Variants in RBM26 observed in about 807,000 individuals in gnomAD.
RBM26 encodes RNA-binding protein 26.
Under a neutral mutation model 123.6 loss-of-function variants are expected in RBM26, and 30 were observed. That is an observed-to-expected ratio of 0.24 (90% CI 0.18 to 0.33). RBM26 has a LOEUF of 0.33. RBM26 is among the 10% of genes least tolerant of loss of function. The probability of loss-of-function intolerance (pLI) is 1.00; values close to 1 mark genes in which losing one functional copy is unlikely to be tolerated. For missense variants in RBM26, 947 were observed against 1,203.6 expected (o/e 0.79, Z 3.15); for synonymous variants, 400 against 404.4 (o/e 0.99, Z 0.13).
chr13:79,371,989 C>T, intron 3 of RBM26, 59 bp from the exon 4 acceptor site: 2 of 1,200,540 alleles, frequency 1.7e-6, no homozygotes, highest in Non-Finnish European at 2.4e-6. Context: ...TGTTAAATAG[C>T]CTTAGATAGG....
exon 5 of RBM26, chr13:79,313,202 A>C (rs186317351): frequency 3.6e-4 from 55 of 152,004 alleles, no homozygotes; most frequent in African/African-American, 1.3e-3. Flanking sequence ...TAGGAAAATA[A>C]AATAATGAAA....
chr13:79,344,927 CT>C, intron 14 of RBM26, 133 bp from the exon 15 acceptor site: 1 of 721,808 alleles, frequency 1.4e-6, no homozygotes, highest in Non-Finnish European at 2.1e-6. Context: ...GTATTTTATA[CT>C]TATAATAACG....
chr13:79,406,000 C>A lies in RBM26; in HGVS notation c.-226G>T, dbSNP rs1307631400. 1 of 310,864 alleles carries A rather than the reference C, an allele frequency of 3.2e-6. No individual in the cohort carries two copies. Among genetic ancestry groups the A allele is most frequent in the Non-Finnish European group, 5.9e-6 (1 of 170,926 alleles). The allele number at this position is 310,864 out of a possible 1,614,324, so 19.3% of individuals were successfully genotyped here. ...AGCTCCCCGTCCCCGGCCCCCAGCC[C>A]GGGCTGAAACAGCAACGGTTTGCCC... is the stretch of plus-strand genomic sequence containing the variant. On this transcript the variant is annotated 5_prime_UTR_variant, in exon 1 of 22. Coordinates refer to ENST00000438737, the MANE Select transcript of RBM26 (RefSeq NM_001366735.2).
chr13:79,346,250 T>C (rs2072309596), intron 14 of RBM26, among the ~76,000 whole-genome samples: 1 of 152,214 alleles, frequency 6.6e-6, no homozygotes, highest in African/African-American at 2.4e-5. Context: ...CTATTCTAAG[T>C]ATTCAAGAAA....
intron 11 of RBM26, among the ~76,000 whole-genome samples, chr13:79,357,094 A>T (rs976436577): frequency 6.6e-6 from 1 of 152,204 alleles, no homozygotes; most frequent in Non-Finnish European, 1.5e-5. Flanking sequence ...TAACAATCTA[A>T]AATAACACAT....
chr13:79,373,377 T>TTA (rs1288213720), intron 3 of RBM26, among the ~76,000 whole-genome samples: 1 of 99,690 alleles, frequency 1.0e-5, no homozygotes, highest in Admixed American at 1.6e-4. Context: ...ATAATATATA[T>TTA]TATATATAAA....
chr13:79,403,611 T>C (rs949294305), intron 1 of RBM26, among the ~76,000 whole-genome samples: 3 of 152,226 alleles, frequency 2.0e-5, no homozygotes, highest in African/African-American at 7.2e-5. Flanking sequence ...TTCCTTAATA[T>C]ACACCCATTA....
intron 1 of RBM26, among the ~76,000 whole-genome samples, chr13:79,402,672 T>C (rs951918998): frequency 6.6e-6 from 1 of 152,168 alleles, no homozygotes; most frequent in Non-Finnish European, 1.5e-5. Context: ...CCATACAATC[T>C]GTTCACCAAA....
At chr13:79,386,431 G>C (rs935484386) in intron 1 of RBM26, among the ~76,000 whole-genome samples, 4 of 139,126 alleles carry the variant, frequency 2.9e-5, no homozygotes, top group African/African-American at 1.0e-4. Context: ...AAAAAAAAAA[G>C]AAGTGCCCAT....
At chr13:79,340,859 A>C (rs886221087) in intron 18 of RBM26, among the ~76,000 whole-genome samples, 2 of 151,930 alleles carry the variant, frequency 1.3e-5, no homozygotes, top group African/African-American at 4.8e-5. Flanking sequence ...CCAAAAATAG[A>C]AAGAAATAAA....
intron 1 of RBM26, among the ~76,000 whole-genome samples, chr13:79,379,180 G>A (rs1229737639): frequency 6.6e-6 from 1 of 151,848 alleles, no homozygotes; most frequent in Non-Finnish European, 1.5e-5. Context: ...AAATGTACTA[G>A]GAATTCAGAT....
chr13:79,360,870 C>T (rs1409404268), intron 9 of RBM26, among the ~76,000 whole-genome samples: 1 of 152,042 alleles, frequency 6.6e-6, no homozygotes, highest in African/African-American at 2.4e-5. Flanking sequence ...AACCTTAATC[C>T]ACATAGAAAA....
chr13:79,354,483 T>A lies in RBM26; in HGVS notation c.1942A>T (p.Ile648Phe), dbSNP rs533151289. The A allele has an allele frequency of 1.9e-6, 3 of 1,605,786 alleles. No individual in the cohort carries two copies. The highest frequency in any genetic ancestry group is 2.6e-6 in the Non-Finnish European group (3 of 1,174,396). Residue 648 changes from isoleucine to phenylalanine, a missense_variant, in exon 13 of 22, where the codon ATT (isoleucine) becomes TTT (phenylalanine). By Grantham distance (21) the Ile-to-Phe change is conservative. Around this residue, in one of 5 missense-constraint regions of RBM26, gnomAD observed 493 missense variants for 563.1 expected, o/e 0.88. Coordinates refer to ENST00000438737, the MANE Select transcript of RBM26 (RefSeq NM_001366735.2). ...GCACTCTGGGCTTCTGCAGGTTCAA[T>A]AGTACTTGAAGGTACTGGACCCAGC... ...ERLGPVPSSTIEPAEAQSASS... is the reference protein window; with the variant it reads ...ERLGPVPSSTFEPAEAQSASS...
intron 20 of RBM26, among the ~76,000 whole-genome samples, chr13:79,331,614 C>T (rs531962986): frequency 6.0e-4 from 90 of 150,126 alleles, no homozygotes; most frequent in Non-Finnish European, 9.5e-4. Context: ...CCAGCCTGGG[C>T]AACACAGCGA....
chr13:79,380,498 A>G (rs888100768), intron 1 of RBM26, among the ~76,000 whole-genome samples: 2 of 150,776 alleles, frequency 1.3e-5, no homozygotes, highest in Non-Finnish European at 3.0e-5. Flanking sequence ...AAAGTTTTTA[A>G]AAAAAAAAAA....
At chr13:79,348,781 C>T (rs2139333908) in intron 14 of RBM26, among the ~76,000 whole-genome samples, 1 of 152,194 alleles carries the variant, frequency 6.6e-6, no homozygotes, top group African/African-American at 2.4e-5. Context: ...TGTATCAAAC[C>T]TGAGAATTCT....
intron 9 of RBM26, among the ~76,000 whole-genome samples, chr13:79,361,819 C>T (rs546824005): frequency 1.3e-5 from 2 of 152,284 alleles, no homozygotes; most frequent in African/African-American, 4.8e-5. Flanking sequence ...TCTCACTTTA[C>T]ATAGCCTTCC....
chr13:79,345,246 C>T (rs1270850348), intron 14 of RBM26, among the ~76,000 whole-genome samples: 1 of 151,912 alleles, frequency 6.6e-6, no homozygotes, highest in African/African-American at 2.4e-5. Context: ...ATTCATTCTC[C>T]AATCCTTTGG....
intron 20 of RBM26, among the ~76,000 whole-genome samples, chr13:79,322,800 C>G (rs899805809): frequency 1.3e-5 from 2 of 151,536 alleles, no homozygotes; most frequent in Admixed American, 1.3e-4. Flanking sequence ...ATGACAACTG[C>G]TGTTTAAGAT....
Sources: allele counts gnomAD v4.1 joint callset (sites outside exome capture counted in the v4.1 genomes callset), GRCh38; gene constraint gnomAD v4.1.1; regional missense constraint gnomAD v4.1.1; transcripts MANE v1.5; gene names NCBI Gene and HGNC (gene_info 2026-07-23, HGNC 2026-07-21).